TENM2: variants seen among roughly 807,000 people sequenced by gnomAD.
TENM2 encodes the protein teneurin transmembrane protein 2, also known as teneurin-2.
Under a neutral mutation model 245.2 loss-of-function variants are expected in TENM2, and 52 were observed. The ratio of observed to expected loss-of-function variants is 0.21; its 90% confidence interval spans 0.17 to 0.27. The LOEUF (loss-of-function observed/expected upper bound fraction) is 0.27, where lower values mean the gene tolerates loss of function less well. Among genes scored for constraint, TENM2 ranks in the 10% least tolerant of loss-of-function variants. The pLI is 1.00. For missense variants in TENM2, 3,046 were observed against 3,666.8 expected, an observed-to-expected ratio of 0.83 and a Z score of 4.37; for synonymous variants, 1,363 against 1,438.9, an observed-to-expected ratio of 0.95 and a Z score of 1.19.
chr5:167,466,681 T>G (rs1346218999), intron 2 of TENM2, among the ~76,000 whole-genome samples: 1 of 152,232 alleles, frequency 6.6e-6, no homozygotes, highest in Non-Finnish European at 1.5e-5. Flanking sequence ...CCAAAAATAT[T>G]ATTTTTAATG....
At chr5:168,052,731 CCTGT>C (rs1410401135) in intron 6 of TENM2, among the ~76,000 whole-genome samples, 7 of 152,072 alleles carry the variant, frequency 4.6e-5, no homozygotes, top group Non-Finnish European at 1.0e-4. Context: ...TCATTGCCAG[CCTGT>C]CTGTTTTAAG....
intron 2 of TENM2, among the ~76,000 whole-genome samples, chr5:167,544,238 A>G (rs949219510): frequency 2.0e-5 from 3 of 152,224 alleles, no homozygotes; most frequent in African/African-American, 7.2e-5. Context: ...TTGATGGTTT[A>G]GTAATCTTCT....
chr5:167,973,200 A>C (rs71603846), intron 4 of TENM2, among the ~76,000 whole-genome samples: 18,248 of 152,274 alleles, frequency 0.12, 1,252 homozygotes, highest in Non-Finnish European at 0.15. Flanking sequence ...AGGGCTTGAA[A>C]ATCTGGCGAG....
chr5:167,192,273 T>TTG, the TENM2 span, among the ~76,000 whole-genome samples: 2 of 151,968 alleles, frequency 1.3e-5, no homozygotes, highest in African/African-American at 2.4e-5. Context: ...CATGAATTTT[T>TTG]TGTGTGTGTG....
At chr5:166,985,677 C>G in the TENM2 span, among the ~76,000 whole-genome samples, 3 of 151,936 alleles carry the variant, frequency 2.0e-5, no homozygotes, top group African/African-American at 7.3e-5. Context: ...CTTAATTATC[C>G]ATTGGCAAAT....
At chr5:167,957,380 T>A (rs1780644767) in intron 4 of TENM2, among the ~76,000 whole-genome samples, 2 of 152,176 alleles carry the variant, frequency 1.3e-5, no homozygotes, top group Non-Finnish European at 2.9e-5. Context: ...TCTTTATTAG[T>A]CTGGCCGGCA....
chr5:167,388,396 C>A (rs960801855), intron 2 of TENM2, among the ~76,000 whole-genome samples: 10 of 152,026 alleles, frequency 6.6e-5, no homozygotes, highest in African/African-American at 2.4e-4. Flanking sequence ...TGGATTTTCT[C>A]TCTTTCTTTA....
intron 3 of TENM2, among the ~76,000 whole-genome samples, chr5:167,912,731 C>T (rs966680984): frequency 1.3e-5 from 2 of 152,038 alleles, no homozygotes; most frequent in African/African-American, 2.4e-5. Flanking sequence ...AGGTCAGTTA[C>T]GTGTTAGGAT....
chr5:167,850,729 A>G (rs1438793746), intron 2 of TENM2, among the ~76,000 whole-genome samples: 1 of 152,166 alleles, frequency 6.6e-6, no homozygotes, highest in Non-Finnish European at 1.5e-5. Context: ...TGATATTTTA[A>G]GGGAAGCTCC....
chr5:167,426,845 ATT>A (rs1027810444), intron 2 of TENM2, among the ~76,000 whole-genome samples: 1 of 152,098 alleles, frequency 6.6e-6, no homozygotes, highest in African/African-American at 2.4e-5. Flanking sequence ...TATGCTCTAC[ATT>A]TTTTTCAATA....
At chr5:167,681,517 TA>T (rs1180821071) in intron 2 of TENM2, among the ~76,000 whole-genome samples, 1 of 152,184 alleles carries the variant, frequency 6.6e-6, no homozygotes, top group Admixed American at 6.5e-5. Context: ...GACAGATACC[TA>T]AAATTAGGCT....
intron 4 of TENM2, chr5:167,965,648 G>A (rs1488432864): frequency 1.3e-5 from 2 of 152,150 alleles, no homozygotes; most frequent in African/African-American, 4.8e-5. Flanking sequence ...ATATAGGCCT[G>A]TGAATACTAA....
intron 2 of TENM2, among the ~76,000 whole-genome samples, chr5:167,414,808 C>T (rs1333125629): frequency 2.0e-5 from 3 of 152,114 alleles, no homozygotes; most frequent in Non-Finnish European, 4.4e-5. Context: ...CACTCATCTT[C>T]AGGCTTCTGG....
chr5:167,072,835 A>T, the TENM2 span, among the ~76,000 whole-genome samples: 1 of 152,212 alleles, frequency 6.6e-6, no homozygotes, highest in African/African-American at 2.4e-5. Flanking sequence ...TTTAAGATGA[A>T]ATAAATTATT....
intron 2 of TENM2, among the ~76,000 whole-genome samples, chr5:167,547,800 A>G (rs889867969): frequency 2.6e-5 from 4 of 152,186 alleles, no homozygotes; most frequent in African/African-American, 9.7e-5. Context: ...AATTACTTCT[A>G]TTTTTCTGTT....
At chr5:167,912,480 G>C (rs558489599) in intron 3 of TENM2, among the ~76,000 whole-genome samples, 1 of 152,224 alleles carries the variant, frequency 6.6e-6, no homozygotes, top group Non-Finnish European at 1.5e-5. Flanking sequence ...CCAGCAGGTA[G>C]TACAGTGGTA....
chr5:167,421,207 G>C (rs140965425), intron 2 of TENM2, among the ~76,000 whole-genome samples: 3 of 152,174 alleles, frequency 2.0e-5, no homozygotes, highest in Non-Finnish European at 2.9e-5. Flanking sequence ...AGAAATATTA[G>C]TCTGACTTAG....
the TENM2 span, among the ~76,000 whole-genome samples, chr5:167,157,512 C>T: frequency 6.6e-6 from 1 of 152,134 alleles, no homozygotes; most frequent in Admixed American, 6.5e-5. Flanking sequence ...TGGAAATTTT[C>T]CACAGGTGAA....
At chr5:168,230,668 C>T (rs1276645273) in intron 25 of TENM2, among the ~76,000 whole-genome samples, 1 of 152,120 alleles carries the variant, frequency 6.6e-6, no homozygotes, top group African/African-American at 2.4e-5. Flanking sequence ...TCTTTTCATC[C>T]CTGCTCCACT....
Sources: allele counts gnomAD v4.1 joint callset (sites outside exome capture counted in the v4.1 genomes callset), GRCh38; gene constraint gnomAD v4.1.1; transcripts MANE v1.5; gene names NCBI Gene and HGNC (gene_info 2026-07-23, HGNC 2026-07-21).